TMEM132C: variants seen among roughly 807,000 people sequenced by gnomAD.
The protein encoded by TMEM132C is protein phosphatase 1, regulatory subunit 152.
Under a neutral mutation model 61.4 loss-of-function variants are expected in TMEM132C, and 29 were observed. That is an observed-to-expected ratio of 0.47 (90% CI 0.35 to 0.64). The LOEUF (loss-of-function observed/expected upper bound fraction) is 0.64. TMEM132C is among the 30% of genes least tolerant of loss of function. The pLI is 0.00. For missense variants in TMEM132C, 1,408 were observed against 1,476.9 expected, an observed-to-expected ratio of 0.95 and a Z score of 0.76; for synonymous variants, 656 against 633.1, an observed-to-expected ratio of 1.04 and a Z score of -0.54.
intron 1 of TMEM132C, among the ~76,000 whole-genome samples, chr12:128,305,773 A>G (rs912063912): frequency 6.6e-6 from 1 of 152,150 alleles, no homozygotes; most frequent in Non-Finnish European, 1.5e-5. Flanking sequence ...AAAATGGAAC[A>G]CTAGCTTTAT....
At chr12:128,423,543 G>A (rs969135021) in intron 2 of TMEM132C, among the ~76,000 whole-genome samples, 1 of 152,186 alleles carries the variant, frequency 6.6e-6, no homozygotes, top group Non-Finnish European at 1.5e-5. Context: ...GTTTATAGGT[G>A]GATTCACTTC....
chr12:128,293,868 T>C, intron 1 of TMEM132C, among the ~76,000 whole-genome samples: 1 of 152,236 alleles, frequency 6.6e-6, no homozygotes, highest in East Asian at 1.9e-4. Context: ...GCACAATTCC[T>C]ATTAAATTAT....
intron 1 of TMEM132C, among the ~76,000 whole-genome samples, chr12:128,304,487 T>C (rs1309145795): frequency 6.6e-6 from 1 of 152,066 alleles, no homozygotes; most frequent in Non-Finnish European, 1.5e-5. Context: ...CGGGCACCTG[T>C]AATTCCAGCT....
intron 2 of TMEM132C, among the ~76,000 whole-genome samples, chr12:128,467,583 G>C (rs1870778274): frequency 6.6e-6 from 1 of 152,168 alleles, no homozygotes; most frequent in Admixed American, 6.5e-5. Context: ...TCTGCTCCAA[G>C]TTGGCCTCTC....
At chr12:128,393,127 A>G (rs1460931129) in intron 1 of TMEM132C, among the ~76,000 whole-genome samples, 1 of 152,236 alleles carries the variant, frequency 6.6e-6, no homozygotes, top group Non-Finnish European at 1.5e-5. Context: ...GCTTTAAAAT[A>G]GTGCTTTATT....
At chr12:128,652,335 G>C (rs1249818186) in intron 4 of TMEM132C, among the ~76,000 whole-genome samples, 1 of 152,216 alleles carries the variant, frequency 6.6e-6, no homozygotes. Flanking sequence ...CCTCCGGGAT[G>C]GGAAGTGGGA....
chr12:128,438,669 A>C (rs1380123941), intron 2 of TMEM132C, among the ~76,000 whole-genome samples: 1 of 152,214 alleles, frequency 6.6e-6, no homozygotes, highest in Non-Finnish European at 1.5e-5. Context: ...TATTTAGTAC[A>C]TTCACGATTT....
chr12:128,281,948 A>G (rs893550210), intron 1 of TMEM132C, among the ~76,000 whole-genome samples: 3 of 152,178 alleles, frequency 2.0e-5, no homozygotes, highest in African/African-American at 4.8e-5. Flanking sequence ...CATAAAAGGG[A>G]CTTTGAACAT....
At chr12:128,586,232 A>G (rs1039899596) in intron 3 of TMEM132C, among the ~76,000 whole-genome samples, 2 of 152,118 alleles carry the variant, frequency 1.3e-5, no homozygotes, top group African/African-American at 4.8e-5. Flanking sequence ...CACTGCATGC[A>G]TGGGTCCCAT....
At chr12:128,374,005 C>G (rs1356660985) in intron 1 of TMEM132C, among the ~76,000 whole-genome samples, 1 of 152,210 alleles carries the variant, frequency 6.6e-6, no homozygotes, top group Non-Finnish European at 1.5e-5. Flanking sequence ...GATCCTGTGT[C>G]TCTCATGTAA....
chr12:128,458,200 T>G (rs1593060702), intron 2 of TMEM132C, among the ~76,000 whole-genome samples: 1 of 148,152 alleles, frequency 6.7e-6, no homozygotes, highest in East Asian at 1.9e-4. Flanking sequence ...TATTTTAGTA[T>G]TATAATTATA....
chr12:128,341,536 C>T (rs918350877), intron 1 of TMEM132C, among the ~76,000 whole-genome samples: 5 of 152,098 alleles, frequency 3.3e-5, no homozygotes, highest in African/African-American at 7.2e-5. Context: ...TGTAGTTTAT[C>T]GGAAAAAAAT....
intron 2 of TMEM132C, among the ~76,000 whole-genome samples, chr12:128,523,680 A>T (rs566320152): frequency 6.6e-6 from 1 of 152,152 alleles, no homozygotes; most frequent in African/African-American, 2.4e-5. Context: ...ATGTCAGAAA[A>T]ATCTGTAAAA....
At chr12:128,599,449 C>G (rs1262915151) in intron 3 of TMEM132C, among the ~76,000 whole-genome samples, 30 of 152,212 alleles carry the variant, frequency 2.0e-4, no homozygotes, top group Non-Finnish European at 1.5e-5. Flanking sequence ...GCCAGGGCAC[C>G]TGGGCCTCTG....
At chr12:128,444,479 G>T (rs574789542) in intron 2 of TMEM132C, among the ~76,000 whole-genome samples, 1 of 152,338 alleles carries the variant, frequency 6.6e-6, no homozygotes, top group South Asian at 2.1e-4. Flanking sequence ...CTTGATGTTT[G>T]CAGGCAGGGA....
chr12:128,420,925 A>G (rs961562629), intron 2 of TMEM132C, among the ~76,000 whole-genome samples: 8 of 152,220 alleles, frequency 5.3e-5, no homozygotes, highest in African/African-American at 1.9e-4. Context: ...CGAATAATAT[A>G]AGAGGATGGG....
chr12:128,673,359 C>A (rs1289675805), intron 5 of TMEM132C, among the ~76,000 whole-genome samples: 3 of 152,210 alleles, frequency 2.0e-5, no homozygotes, highest in African/African-American at 4.8e-5. Flanking sequence ...TAGAACCCAG[C>A]AATTCTGGCA....
chr12:128,337,913 C>T (rs1713620), intron 1 of TMEM132C, among the ~76,000 whole-genome samples: 13,269 of 151,760 alleles, frequency 0.087, 911 homozygotes, highest in African/African-American at 0.19. Context: ...TTCACAAACA[C>T]GTGAGACTCT....
At chr12:128,306,493 C>A (rs1566050457) in intron 1 of TMEM132C, among the ~76,000 whole-genome samples, 2 of 152,182 alleles carry the variant, frequency 1.3e-5, no homozygotes, top group South Asian at 4.1e-4. Flanking sequence ...TGAGCCACCG[C>A]ACCTGGCCAC....
Sources: gnomAD v4.1 joint callset for allele counts (sites outside exome capture counted in the v4.1 genomes callset) on GRCh38, gnomAD v4.1.1 for gene constraint, MANE v1.5 for transcripts, NCBI Gene and HGNC (gene_info 2026-07-23, HGNC 2026-07-21) for gene names.